GAB1: variants seen among roughly 807,000 people sequenced by gnomAD.
GAB1 encodes the protein GRB2 associated binding protein 1.
A neutral mutation model predicts 66.5 loss-of-function variants in GAB1; 19 were observed. The ratio of observed to expected loss-of-function variants is 0.29; its 90% CI spans 0.20 to 0.42. GAB1 has a LOEUF of 0.42. Among genes scored for constraint, GAB1 ranks in the 10% least tolerant of loss-of-function variants. The pLI, the probability that GAB1 is intolerant of heterozygous loss-of-function variation, is 1.00. For missense variants in GAB1, 732 were observed against 858.5 expected, an observed-to-expected ratio of 0.85 and a Z score of 1.84; for synonymous variants, 294 against 301.4, an observed-to-expected ratio of 0.98 and a Z score of 0.25.
At chr4:143,402,960 G>T (rs958503641) in intron 1 of GAB1, among the ~76,000 whole-genome samples, 1 of 152,150 alleles carries the variant, frequency 6.6e-6, no homozygotes, top group Non-Finnish European at 1.5e-5. Flanking sequence ...AGACACAGTC[G>T]GTTGTTGTCT....
intron 1 of GAB1, among the ~76,000 whole-genome samples, chr4:143,356,081 C>CG (rs988062725): frequency 1.4e-4 from 21 of 150,340 alleles, no homozygotes; most frequent in East Asian, 1.9e-4. Flanking sequence ...GGGTCGGGGC[C>CG]GGGGGGAGAC....
At chr4:143,368,179 GAA>G (rs904538051) in intron 1 of GAB1, among the ~76,000 whole-genome samples, 2 of 140,392 alleles carry the variant, frequency 1.4e-5, no homozygotes, top group African/African-American at 5.2e-5. Context: ...GTTTTTTGAG[GAA>G]AAAAAAAAAA....
chr4:143,409,761 T>C (rs1469974772), intron 1 of GAB1, among the ~76,000 whole-genome samples: 1 of 152,112 alleles, frequency 6.6e-6, no homozygotes, highest in Non-Finnish European at 1.5e-5. Context: ...TAGTGGTAAA[T>C]ATTGTGAACA....
rs28925875 is a variant in GAB1, at chr4:143,402,186, C to G, written c.73-13291C>G. Reference sequence around the variant, plus strand: ...ATAACTTCGCATAAATTATAGAGACCAAATAGGCTTTTGTCTACACTAATA... The same window carrying G: ...ATAACTTCGCATAAATTATAGAGACGAAATAGGCTTTTGTCTACACTAATA... On this transcript the variant is annotated intron_variant, in intron 1 of 9. Transcript: ENST00000262994. Among the ~76,000 whole-genome samples, 9 of 152,048 alleles carry G rather than the reference C, an allele frequency of 5.9e-5. No individual in the cohort carries two copies. The East Asian group carries it at 1.7e-3, about 29-fold the overall frequency.
intron 2 of GAB1, among the ~76,000 whole-genome samples, chr4:143,416,764 A>G (rs1036288521): frequency 6.6e-6 from 1 of 152,202 alleles, no homozygotes; most frequent in African/African-American, 2.4e-5. Flanking sequence ...ACAGAGCAAG[A>G]TGCCGTCTCA....
intron 1 of GAB1, among the ~76,000 whole-genome samples, chr4:143,379,536 T>C (rs1442813770): frequency 1.3e-5 from 2 of 152,180 alleles, no homozygotes; most frequent in Admixed American, 1.3e-4. Context: ...GGTAGCCTAC[T>C]ATATCAGCCA....
chr4:143,374,733 G>A (rs1730339396), intron 1 of GAB1, among the ~76,000 whole-genome samples: 1 of 152,100 alleles, frequency 6.6e-6, no homozygotes, highest in Admixed American at 6.5e-5. Context: ...TTTTACCGTT[G>A]TCCTGGAAGA....
intron 1 of GAB1, 43 bp downstream of exon 1, chr4:143,337,303 A>C (rs2149637722): frequency 7.3e-6 from 11 of 1,513,200 alleles, no homozygotes; most frequent in South Asian, 1.2e-5. Context: ...CTCGGCGTCC[A>C]CACCCCTCCC....
intron 1 of GAB1, among the ~76,000 whole-genome samples, chr4:143,372,935 C>T (rs901912184): frequency 1.3e-5 from 2 of 152,232 alleles, no homozygotes; most frequent in African/African-American, 4.8e-5. Flanking sequence ...GAATTCAACT[C>T]ATCTTTCCAG....
At chr4:143,373,868 A>AAT (rs1553945760) in intron 1 of GAB1, among the ~76,000 whole-genome samples, 1,232 of 93,712 alleles carry the variant, frequency 0.013, 85 homozygotes, top group Non-Finnish European at 0.016. Flanking sequence ...TAAATAAATA[A>AAT]ATATATATAT....
chr4:143,417,269 A>G (rs2149720780), intron 2 of GAB1, among the ~76,000 whole-genome samples: 1 of 152,278 alleles, frequency 6.6e-6, no homozygotes, highest in East Asian at 1.9e-4. Flanking sequence ...TCTGAGTGAA[A>G]AAGGCCCAGG....
chr4:143,375,414 C>A (rs139245235), intron 1 of GAB1, among the ~76,000 whole-genome samples: 30 of 152,230 alleles, frequency 2.0e-4, no homozygotes, highest in African/African-American at 6.3e-4. Flanking sequence ...TGCTTCTTGC[C>A]GTATCTGAGC....
intron 6 of GAB1, among the ~76,000 whole-genome samples, chr4:143,448,045 T>A (rs540319668): frequency 1.4e-4 from 22 of 152,224 alleles, no homozygotes; most frequent in African/African-American, 5.3e-4. Flanking sequence ...ATTGAGATAA[T>A]CATGTAGTTT....
Position 143,468,208 on chromosome 4 carries a change from CTTTTTTTTT to C in GAB1, c.1927-806_1927-798del, listed in dbSNP as rs780138131. On this transcript the variant is annotated intron_variant, in intron 9 of 9. Coordinates refer to ENST00000262994, the MANE Select transcript of GAB1 (RefSeq NM_002039.4). ...TGTCATGGAAGCATTAGTTTGAATT[CTTTTTTTTT>C]TTTTTTTTTTTTTTTTGGACGGAGT... Among the ~76,000 whole-genome samples the C allele has an allele frequency of 9.1e-3, 637 of 70,092 alleles. 3 individuals carry two copies. The highest frequency in any genetic ancestry group is 0.033 in the African/African-American group (600 of 18,028). The allele number at this position is 70,092 out of a possible 152,430, so 46.0% of individuals were successfully genotyped here.
chr4:143,435,957 G>A (rs1029811864), intron 3 of GAB1, among the ~76,000 whole-genome samples: 6 of 152,130 alleles, frequency 3.9e-5, no homozygotes, highest in Non-Finnish European at 5.9e-5. Context: ...TGTTAGAAAC[G>A]ATGTTTTTAC....
At chr4:143,414,238 C>T (rs964619643) in intron 1 of GAB1, among the ~76,000 whole-genome samples, 2 of 152,082 alleles carry the variant, frequency 1.3e-5, no homozygotes, top group African/African-American at 4.8e-5. Flanking sequence ...TAGCTGCCTC[C>T]CTGAGGAAGA....
At chr4:143,430,881 A>G (rs1485857797) in intron 2 of GAB1, among the ~76,000 whole-genome samples, 2 of 152,306 alleles carry the variant, frequency 1.3e-5, no homozygotes, top group South Asian at 2.1e-4. Flanking sequence ...TTCTAGCTTT[A>G]TCTTATCTAA....
At chr4:143,377,691 G>C (rs540557301) in intron 1 of GAB1, among the ~76,000 whole-genome samples, 1 of 152,114 alleles carries the variant, frequency 6.6e-6, no homozygotes, top group Non-Finnish European at 1.5e-5. Flanking sequence ...GGGACAGAGG[G>C]GACTTTCCCA....
intron 2 of GAB1, chr4:143,425,024 C>T (rs992966607): frequency 2.2e-5 from 16 of 731,190 alleles, no homozygotes; most frequent in Non-Finnish European, 3.4e-5. Context: ...TCTGGATTCC[C>T]GTTGTAACTT....
Sources: allele counts gnomAD v4.1 joint callset (sites outside exome capture counted in the v4.1 genomes callset), GRCh38; gene constraint gnomAD v4.1.1; transcripts MANE v1.5; gene names NCBI Gene and HGNC (gene_info 2026-07-23, HGNC 2026-07-21).